Variants in PDZRN4 observed in about 807,000 individuals in gnomAD.
PDZRN4 encodes PDZ domain-containing RING finger protein 4.
A neutral mutation model predicts 99.0 loss-of-function variants in PDZRN4; 70 were observed. The observed-to-expected ratio is 0.71, with a 90% confidence interval of 0.58 to 0.86. The LOEUF (loss-of-function observed/expected upper bound fraction) is 0.86, where lower values mean the gene tolerates loss of function less well. Ranked by LOEUF, PDZRN4 falls within the 40% of genes least tolerant of loss-of-function variation. The pLI is 0.00. For missense variants in PDZRN4, 1,474 were observed against 1,331.2 expected (o/e 1.11, Z -1.67); for synonymous variants, 551 against 501.6 (o/e 1.10, Z -1.32).
intron 3 of PDZRN4, among the ~76,000 whole-genome samples, chr12:41,371,247 G>C (rs1178968147): frequency 6.6e-6 from 1 of 151,102 alleles, no homozygotes; most frequent in East Asian, 1.9e-4. Context: ...TTTTTGGTTT[G>C]AGATTCTATA....
chr12:41,519,627 C>T (rs561378261), intron 5 of PDZRN4, among the ~76,000 whole-genome samples: 16 of 152,136 alleles, frequency 1.1e-4, no homozygotes, highest in African/African-American at 3.9e-4. Flanking sequence ...TCTACCAATG[C>T]TCTTCAATGC....
At chr12:41,289,781 G>T (rs183126008) in intron 3 of PDZRN4, among the ~76,000 whole-genome samples, 1 of 152,290 alleles carries the variant, frequency 6.6e-6, no homozygotes, top group Admixed American at 6.5e-5. Context: ...GAAGCACTAT[G>T]GTGACAGCAA....
At chr12:41,449,919 A>G (rs993662046) in intron 3 of PDZRN4, among the ~76,000 whole-genome samples, 1 of 151,978 alleles carries the variant, frequency 6.6e-6, no homozygotes, top group African/African-American at 2.4e-5. Flanking sequence ...TTGATTTTAT[A>G]TACACTCCTC....
At chr12:41,324,470 G>A (rs976551538) in intron 3 of PDZRN4, among the ~76,000 whole-genome samples, 8 of 151,998 alleles carry the variant, frequency 5.3e-5, no homozygotes, top group Non-Finnish European at 1.2e-4. Flanking sequence ...CATTTTAATT[G>A]AAGAGCTGTC....
Position 41,364,243 on chromosome 12 carries a change from C to A in PDZRN4, c.844-142213C>A, listed in dbSNP as rs186813098. On this transcript the variant is annotated intron_variant, in intron 3 of 9. Transcript: ENST00000402685. ...AATTCTGGTGCTTTTTAAATGTACC[C>A]TTCCCACAGTAATCATTTACACAGT... Among the ~76,000 whole-genome samples the A allele has an allele frequency of 2.0e-5, 3 of 152,116 alleles. No individual in the cohort carries two copies. The East Asian group carries it at 5.8e-4, about 30-fold the overall frequency.
intron 3 of PDZRN4, among the ~76,000 whole-genome samples, chr12:41,454,734 T>C (rs1952804216): frequency 6.6e-6 from 1 of 152,208 alleles, no homozygotes; most frequent in East Asian, 1.9e-4. Context: ...TTCAGCAATA[T>C]TAGTGATCAT....
intron 1 of PDZRN4, among the ~76,000 whole-genome samples, chr12:41,190,070 G>T (rs1202042033): frequency 2.6e-5 from 4 of 152,148 alleles, no homozygotes; most frequent in African/African-American, 4.8e-5. Flanking sequence ...TGGTGAGCAG[G>T]GATTTAGCAG....
chr12:41,510,496 T>C (rs1353134686), intron 5 of PDZRN4, among the ~76,000 whole-genome samples: 2 of 152,134 alleles, frequency 1.3e-5, no homozygotes, highest in Non-Finnish European at 2.9e-5. Flanking sequence ...AGTCCATCCA[T>C]TGATTATTTA....
rs566371512 is a variant in PDZRN4, at chr12:41,495,513, C to T, written c.844-10943C>T. Among the ~76,000 whole-genome samples, 7 of 152,092 alleles carry T rather than the reference C, an allele frequency of 4.6e-5. 2 individuals carry two copies. Among genetic ancestry groups the T allele is most frequent in the African/African-American group, 1.7e-4 (7 of 41,506 alleles). On this transcript the variant is annotated intron_variant, in intron 3 of 9. Coordinates refer to ENST00000402685, the MANE Select transcript of PDZRN4 (RefSeq NM_001164595.2). Reference sequence around the variant, plus strand: ...ATACCATTTTACAGCTCTCTTCATCCTCCTCCAACTGGACTATCCACACTG... The same window carrying T: ...ATACCATTTTACAGCTCTCTTCATCTTCCTCCAACTGGACTATCCACACTG...
chr12:41,260,151 C>T (rs1566402683), intron 3 of PDZRN4, among the ~76,000 whole-genome samples: 1 of 152,078 alleles, frequency 6.6e-6, no homozygotes, highest in Non-Finnish European at 1.5e-5. Context: ...TCAGATTGTT[C>T]TTTCTTTTGG....
chr12:41,323,954 C>G (rs1527091), intron 3 of PDZRN4, among the ~76,000 whole-genome samples: 1 of 151,818 alleles, frequency 6.6e-6, no homozygotes, highest in African/African-American at 2.4e-5. Context: ...GGCTCTTAAA[C>G]GTAAACAACT....
intron 3 of PDZRN4, among the ~76,000 whole-genome samples, chr12:41,462,169 C>G (rs1388608233): frequency 6.6e-6 from 1 of 152,028 alleles, no homozygotes; most frequent in Non-Finnish European, 1.5e-5. Context: ...TTTAAAGGGT[C>G]CTTGAGGAAA....
At chr12:41,228,034 C>T (rs1208969310) in intron 3 of PDZRN4, among the ~76,000 whole-genome samples, 1 of 151,994 alleles carries the variant, frequency 6.6e-6, no homozygotes, top group Non-Finnish European at 1.5e-5. Context: ...GTCTTTGATG[C>T]CATCCACAGT....
At chr12:41,447,436 A>G (rs1952738802) in intron 3 of PDZRN4, among the ~76,000 whole-genome samples, 1 of 152,162 alleles carries the variant, frequency 6.6e-6, no homozygotes, top group Non-Finnish European at 1.5e-5. Context: ...TGCATAGAAG[A>G]AAGAATAGAG....
intron 3 of PDZRN4, among the ~76,000 whole-genome samples, chr12:41,275,292 C>A (rs1951343426): frequency 1.3e-5 from 2 of 152,164 alleles, no homozygotes; most frequent in Admixed American, 1.3e-4. Flanking sequence ...CCCATCATAA[C>A]TCTCTTACTG....
At chr12:41,300,249 A>C (rs189847635) in intron 3 of PDZRN4, among the ~76,000 whole-genome samples, 1 of 152,046 alleles carries the variant, frequency 6.6e-6, no homozygotes, top group East Asian at 1.9e-4. Flanking sequence ...CTTCTGAAAT[A>C]AGTGTATTTA....
intron 3 of PDZRN4, among the ~76,000 whole-genome samples, chr12:41,451,744 A>G (rs1257273012): frequency 6.6e-6 from 1 of 152,176 alleles, no homozygotes; most frequent in Non-Finnish European, 1.5e-5. Flanking sequence ...GCTGATGAAC[A>G]TGATCACCAG....
At chr12:41,477,723 C>A (rs765455354) in intron 3 of PDZRN4, 3 of 681,008 alleles carry the variant, frequency 4.4e-6, no homozygotes, top group African/African-American at 1.8e-5. Flanking sequence ...GGTGAACAGA[C>A]CAACTCCGCA....
chr12:41,573,599 C>T lies in PDZRN4; in HGVS notation c.2820C>T (p.Tyr940=). ...DTMSEMKMGR[Y]WSKEERKQHL... Reference sequence around the variant, plus strand: ...TGAGCGAGATGAAAATGGGGCGCTACTGGAGCAAAGAGGAGAGAAAGCAGC... The same window carrying T: ...TGAGCGAGATGAAAATGGGGCGCTATTGGAGCAAAGAGGAGAGAAAGCAGC... Residue 940 remains tyrosine (Y), a synonymous_variant, in exon 10 of 10, where the codon TAC becomes TAT. Transcript: ENST00000402685. 3 of 1,613,422 alleles carry T rather than the reference C, an allele frequency of 1.9e-6. No homozygotes were observed. Among genetic ancestry groups the T allele is most frequent in the Non-Finnish European group, 2.5e-6 (3 of 1,179,856 alleles).
Sources: allele counts gnomAD v4.1 joint callset (sites outside exome capture counted in the v4.1 genomes callset), GRCh38; gene constraint gnomAD v4.1.1; transcripts MANE v1.5; gene names NCBI Gene and HGNC (gene_info 2026-07-23, HGNC 2026-07-21).